B4GALT6: variants seen among roughly 807,000 people sequenced by gnomAD.
B4GALT6 encodes the protein beta-1,4-galactosyltransferase 6, also known as UDP-Gal:beta-GlcNAc beta-1,4-galactosyltransferase 6.
A neutral mutation model predicts 46.3 loss-of-function variants in B4GALT6; 14 were observed. The observed-to-expected ratio is 0.30, with a 90% confidence interval of 0.20 to 0.47. The LOEUF (loss-of-function observed/expected upper bound fraction) is 0.47, where lower values mean the gene tolerates loss of function less well. Ranked by LOEUF, B4GALT6 falls within the 20% of genes least tolerant of loss-of-function variation. B4GALT6 has a pLI of 0.99. For synonymous variants in B4GALT6, 168 were observed against 162.0 expected (o/e 1.04, Z -0.28); for missense variants, 386 against 480.1 (o/e 0.80, Z 1.83).
the B4GALT6 span, among the ~76,000 whole-genome samples, chr18:31,691,545 G>A: frequency 6.1e-4 from 92 of 151,968 alleles, no homozygotes; most frequent in African/African-American, 1.6e-3. Flanking sequence ...AGCAATTCAA[G>A]AAATGTAATT....
At chr18:31,717,303 A>C in the B4GALT6 span, among the ~76,000 whole-genome samples, 3,311 of 152,282 alleles carry the variant, frequency 0.022, 86 homozygotes, top group African/African-American at 0.067. Context: ...ATTTAGCAAT[A>C]AACTCAAGAA....
At chr18:31,719,619 T>C in the B4GALT6 span, among the ~76,000 whole-genome samples, 1 of 152,330 alleles carries the variant, frequency 6.6e-6, no homozygotes, top group Admixed American at 6.5e-5. Flanking sequence ...GAGCCAGCTG[T>C]GCAGGAGACC....
the B4GALT6 span, among the ~76,000 whole-genome samples, chr18:31,711,729 C>T: frequency 2.6e-5 from 4 of 152,168 alleles, no homozygotes; most frequent in Non-Finnish European, 5.9e-5. Flanking sequence ...TCTATCTGTG[C>T]ACCAAATTCT....
intron 4 of B4GALT6, among the ~76,000 whole-genome samples, chr18:31,644,006 G>T (rs993762124): frequency 2.0e-5 from 3 of 152,310 alleles, no homozygotes; most frequent in Non-Finnish European, 4.4e-5. Flanking sequence ...TTTTTAAAAG[G>T]TGGAATGTAT....
At chr18:31,715,625 A>T in the B4GALT6 span, among the ~76,000 whole-genome samples, 1 of 131,278 alleles carries the variant, frequency 7.6e-6, no homozygotes, top group African/African-American at 3.0e-5. Context: ...ATCTCAGCTC[A>T]CTGCAACCTC....
chr18:31,688,210 T>A (rs2029991706), upstream of B4GALT6, among the ~76,000 whole-genome samples: 1 of 150,902 alleles, frequency 6.6e-6, no homozygotes, highest in South Asian at 2.1e-4. Context: ...ATTGGCATGA[T>A]TCATAAAATG....
At chr18:31,685,988 T>A (rs1457559810), upstream of B4GALT6, 1 of 152,270 alleles carries the variant, frequency 6.6e-6, no homozygotes, top group South Asian at 2.1e-4. Context: ...GGGCAGCCAA[T>A]AGGCCCTTGA....
chr18:31,662,380 C>A (rs1294464388), intron 2 of B4GALT6, among the ~76,000 whole-genome samples: 2 of 152,158 alleles, frequency 1.3e-5, no homozygotes, highest in Non-Finnish European at 1.5e-5. Context: ...CTATCCGCCA[C>A]CCCGGCCATT....
At chr18:31,644,426 T>C (rs79817462) in intron 4 of B4GALT6, among the ~76,000 whole-genome samples, 290 of 152,264 alleles carry the variant, frequency 1.9e-3, no homozygotes, top group African/African-American at 6.6e-3. Flanking sequence ...ATGATTTTCC[T>C]TCCTACTAGT....
At chr18:31,668,840 A>G (rs2074314061) in intron 1 of B4GALT6, among the ~76,000 whole-genome samples, 1 of 124,290 alleles carries the variant, frequency 8.0e-6, no homozygotes, top group African/African-American at 2.5e-5. Context: ...TCTCTACTAA[A>G]AAAATACAAA....
intron 1 of B4GALT6, 48 bp from the exon 2 acceptor site, chr18:31,666,420 TTTTA>T (rs2074283484): frequency 1.2e-6 from 1 of 865,794 alleles, no homozygotes; most frequent in Non-Finnish European, 1.8e-6. Context: ...GTAAGCTTTT[TTTTA>T]TTTAATAAAA....
At chr18:31,682,704 G>A (rs970591673) in intron 1 of B4GALT6, among the ~76,000 whole-genome samples, 1 of 152,094 alleles carries the variant, frequency 6.6e-6, no homozygotes, top group Admixed American at 6.5e-5. Context: ...AAGAAAGTGG[G>A]AAAATTGTTA....
Position 31,665,364 on chromosome 18 carries a change from T to C in B4GALT6, c.232+892A>G, listed in dbSNP as rs554313056. 3.3e-5 allele frequency among the ~76,000 whole-genome samples: 5 copies of C among 152,296 alleles called. No individual in the cohort carries two copies. In the South Asian group the frequency reaches 1.0e-3, roughly 32 times the overall value. ...AAATCTATTTACATCAATTCTACCA[T>C]CATTAAATTATTGGTTCAGCCTATT... On this transcript the variant is annotated intron_variant, in intron 2 of 8. Coordinates refer to ENST00000306851, the MANE Select transcript of B4GALT6 (RefSeq NM_004775.5).
In B4GALT6 at chr18:31,641,306, TAAAAG is replaced by T. The variant is rs1191560804; in HGVS notation, c.472-2551_472-2547del. Among the ~76,000 whole-genome samples the T allele has an allele frequency of 2.0e-5, 3 of 152,346 alleles. No individual in the cohort carries two copies. The East Asian group carries it at 5.8e-4, about 29-fold the overall frequency. ...TCTCATAAGGAAACTGAGACGGTAA[TAAAAG>T]AAATTACCAGTGTCTTGGCAAATTC... On this transcript the variant is annotated intron_variant, in intron 4 of 8. Transcript: ENST00000306851.
intron 1 of B4GALT6, among the ~76,000 whole-genome samples, chr18:31,678,816 C>T (rs1488240137): frequency 3.9e-5 from 6 of 152,212 alleles, no homozygotes; most frequent in Admixed American, 3.9e-4. Flanking sequence ...GCCTTGGGCC[C>T]TTGGACAGGG....
upstream of B4GALT6, among the ~76,000 whole-genome samples, chr18:31,687,282 G>A (rs2029962004): frequency 6.6e-6 from 1 of 152,190 alleles, no homozygotes; most frequent in Non-Finnish European, 1.5e-5. Flanking sequence ...AGCACCATTC[G>A]AGTATTTGTA....
chr18:31,674,936 T>C (rs933615719), intron 1 of B4GALT6, among the ~76,000 whole-genome samples: 2 of 152,274 alleles, frequency 1.3e-5, no homozygotes, highest in African/African-American at 4.8e-5. Flanking sequence ...CTCAAGGAAA[T>C]CTGCAGTGCA....
In B4GALT6 at chr18:31,626,361, A is replaced by T; in HGVS notation, c.923T>A (p.Val308Glu). The change falls in exon 8 of 9, where the codon GTA becomes GAA. Residue 308 changes from valine to glutamate, a missense_variant. By Grantham distance (121) the Val-to-Glu change is moderately radical. This residue lies in a region of B4GALT6 where 323 missense variants were observed against 438.9 expected (regional missense o/e 0.74). Coordinates refer to ENST00000306851, the MANE Select transcript of B4GALT6 (RefSeq NM_004775.5). ...TCCTAAGTCTCCCTCTGGTCTGGTT[A>T]CATTATATCCAGCATAGTGAACTCT... ...WNRVHYAGYN[V>E]TRPEGDLGKY... 6.2e-7 allele frequency: 1 copy of T among 1,603,214 alleles called. No individual in the cohort carries two copies. The highest frequency in any genetic ancestry group is 8.5e-7 in the Non-Finnish European group (1 of 1,171,640).
At chr18:31,631,348 G>A (rs1305121617) in intron 5 of B4GALT6, among the ~76,000 whole-genome samples, 3 of 151,764 alleles carry the variant, frequency 2.0e-5, no homozygotes, top group African/African-American at 7.3e-5. Context: ...CACCGCGCCC[G>A]GCCCCCATCT....
Sources: gnomAD v4.1 joint callset for allele counts (sites outside exome capture counted in the v4.1 genomes callset) on GRCh38, gnomAD v4.1.1 for gene constraint, gnomAD v4.1.1 regional missense constraint, MANE v1.5 for transcripts, NCBI Gene and HGNC (gene_info 2026-07-23, HGNC 2026-07-21) for gene names.